CYP4V2: variants seen among roughly 807,000 people sequenced by gnomAD.
CYP4V2 encodes the protein cytochrome P450 family 4 subfamily V member 2, also known as cytochrome P450 4V2.
Under a neutral mutation model 60.8 loss-of-function variants are expected in CYP4V2, and 55 were observed. The ratio of observed to expected loss-of-function variants is 0.90; its 90% CI spans 0.73 to 1.13. The LOEUF (loss-of-function observed/expected upper bound fraction) is 1.13. CYP4V2 is among the 50% of genes most tolerant of loss of function. The probability of loss-of-function intolerance (pLI) is 0.00; values close to 1 mark genes in which losing one functional copy is unlikely to be tolerated. For synonymous variants in CYP4V2, 239 were observed against 236.8 expected, an observed-to-expected ratio of 1.01 and a Z score of -0.08; for missense variants, 675 against 662.9, an observed-to-expected ratio of 1.02 and a Z score of -0.20.
Position 186,211,479 on chromosome 4 carries a change from A to G in CYP4V2, c.*838A>G, listed in dbSNP as rs1310833286. Reference sequence around the variant, plus strand: ...CAGGCGCCTGCCACCACGCCCAGCTAATTTTTGTATTTTTAGTAGAGATGG... The same window carrying G: ...CAGGCGCCTGCCACCACGCCCAGCTGATTTTTGTATTTTTAGTAGAGATGG... On this transcript the variant is annotated 3_prime_UTR_variant, in exon 11 of 11. Coordinates refer to ENST00000378802, the MANE Select transcript of CYP4V2 (RefSeq NM_207352.4). The G allele has an allele frequency of 3.3e-5, 5 of 151,780 alleles. No homozygotes were observed. The highest frequency in any genetic ancestry group is 1.2e-4 in the African/African-American group (5 of 41,264). 9.4% of individuals were successfully genotyped at this position (151,780 alleles called of 1,614,324 possible).
intron 10 of CYP4V2, 50 bp from the exon 11 acceptor site, chr4:186,210,419 A>C (rs747380440): frequency 6.2e-7 from 1 of 1,612,610 alleles, no homozygotes; most frequent in South Asian, 1.1e-5. Flanking sequence ...TGTTTCTCAC[A>C]TTTGGGGTAA....
At position 186,212,862 on chromosome 4, in the gene CYP4V2, A is replaced by G. The variant is rs1376385655; in HGVS notation, c.*2221A>G. The G allele has an allele frequency of 6.6e-6, 1 of 152,242 alleles. No homozygotes were observed. Among genetic ancestry groups the G allele is most frequent in the Non-Finnish European group, 1.5e-5 (1 of 68,038 alleles). The allele number at this position is 152,242 out of a possible 1,614,324, so 9.4% of individuals were successfully genotyped here. A position where few individuals can be genotyped will look rare whatever the true frequency, so the allele number is the denominator to read the frequency against. On this transcript the variant is annotated 3_prime_UTR_variant, in exon 11 of 11. Coordinates refer to ENST00000378802, the MANE Select transcript of CYP4V2 (RefSeq NM_207352.4). ...CAAAGAGCCACAGTGCCTACAACCC[A>G]GGCCCTAAGTTGATGAAGAAAAAGT...
At chr4:186,202,486 C>T (rs1736333151) in intron 7 of CYP4V2, 1 of 152,082 alleles carries the variant, frequency 6.6e-6, no homozygotes, top group African/African-American at 2.4e-5. Context: ...CTCTGAGAAT[C>T]GTGATTGGCC....
intron 8 of CYP4V2, among the ~76,000 whole-genome samples, chr4:186,207,513 AATTAT>A (rs1302259421): frequency 6.8e-6 from 1 of 147,888 alleles, no homozygotes; most frequent in Non-Finnish European, 1.5e-5. Flanking sequence ...TTAATTATTA[AATTAT>A]ATTTATATTA....
At chr4:186,192,374 CT>C (rs1736017191) in intron 1 of CYP4V2, 2 of 523,106 alleles carry the variant, frequency 3.8e-6, no homozygotes, top group African/African-American at 1.9e-5. Context: ...CAGAAGCTCC[CT>C]GGGAGCACAG....
chr4:186,194,165 A>G (rs1736073857), intron 1 of CYP4V2, among the ~76,000 whole-genome samples: 1 of 152,228 alleles, frequency 6.6e-6, no homozygotes, highest in African/African-American at 2.4e-5. Flanking sequence ...GGTACAAGCC[A>G]GTTTCCACCA....
At chr4:186,201,656 G>T in intron 7 of CYP4V2, 1 of 285,014 alleles carries the variant, frequency 3.5e-6, no homozygotes. Context: ...GTGGCTTCAG[G>T]CTTCCTTCTA....
At chr4:186,199,963 A>G (rs1275570933) in intron 6 of CYP4V2, among the ~76,000 whole-genome samples, 1 of 152,196 alleles carries the variant, frequency 6.6e-6, no homozygotes, top group African/African-American at 2.4e-5. Context: ...CAAATGATGA[A>G]TAAATCAGTA....
intron 2 of CYP4V2, among the ~76,000 whole-genome samples, 188 bp downstream of exon 2, chr4:186,194,800 A>G (rs1399388295): frequency 6.6e-6 from 1 of 152,208 alleles, no homozygotes; most frequent in African/African-American, 2.4e-5. Context: ...GGAGATTAAC[A>G]TTCTCCAGAT....
At chr4:186,204,481 C>T (rs1173103527) in intron 7 of CYP4V2, 1 of 151,248 alleles carries the variant, frequency 6.6e-6, no homozygotes, top group Middle Eastern at 3.4e-3. Context: ...GTGGAGCGTC[C>T]TTACTGCACA....
At chr4:186,204,951 G>A (rs768708438) in intron 7 of CYP4V2, 8 of 540,802 alleles carry the variant, frequency 1.5e-5, no homozygotes, top group Non-Finnish European at 2.3e-5. Flanking sequence ...TATTAACACA[G>A]CACAGGCACG....
In CYP4V2 at chr4:186,197,109, T is replaced by C; in HGVS notation, c.583T>C (p.Cys195Arg). 6.2e-7 allele frequency: 1 copy of C among 1,613,988 alleles called. No individual in the cohort carries two copies. ...TAACTGCTTTTTTTACATCACTCTT[T>C]GTGCCTTAGATATCATCTGTGGTGA... ...AFNCFFYITL[C>R]ALDIICETAM... Residue 195 changes from cysteine to arginine, a missense_variant, in exon 4 of 11, where the codon TGT becomes CGT. Transcript: ENST00000378802.
At chr4:186,207,104 G>T (rs1437101360) in intron 8 of CYP4V2, among the ~76,000 whole-genome samples, 2 of 151,766 alleles carry the variant, frequency 1.3e-5, no homozygotes, top group Non-Finnish European at 2.9e-5. Flanking sequence ...CCCAATCCTA[G>T]TTCTAGAATT....
intron 8 of CYP4V2, among the ~76,000 whole-genome samples, chr4:186,207,129 C>T (rs182290251): frequency 2.0e-5 from 3 of 152,186 alleles, no homozygotes; most frequent in Admixed American, 1.3e-4. Flanking sequence ...AGCAACTAAG[C>T]TGGGCTCGGT....
Position 186,197,029 on chromosome 4 carries a change from A to G in CYP4V2, c.503A>G (p.Glu168Gly). 6.2e-7 allele frequency: 1 copy of G among 1,613,902 alleles called. No individual in the cohort carries two copies. The highest frequency in any genetic ancestry group is 1.1e-5 in the South Asian group (1 of 91,012). Residue 168 changes from glutamate to glycine, a missense_variant, in exon 4 of 11, where the codon GAA becomes GGA. Transcript: ENST00000378802. The part of the protein sequence containing the change: ...ILEDFLDIMN[E>G]QANILVKKLE... The stretch of plus-strand genomic sequence containing the variant: ...GAAGATTTCTTAGATATCATGAATG[A>G]ACAAGCAAATATATTGGTTAAGAAA...
Position 186,191,939 on chromosome 4 carries a change from G to C in CYP4V2, c.116G>C (p.Ser39Thr), listed in dbSNP as rs200834925. ...LVLSLLQRVA[S>T]YARKWQQMRP... Reference sequence around the variant, plus strand: ...CTGAGCCTGCTGCAGAGGGTGGCGAGCTACGCGCGGAAATGGCAGCAGATG... The same window carrying C: ...CTGAGCCTGCTGCAGAGGGTGGCGACCTACGCGCGGAAATGGCAGCAGATG... Residue 39 changes from serine (S) to threonine (T), a missense_variant, in exon 1 of 11, where the codon AGC becomes ACC. By Grantham distance (58) the Ser-to-Thr change is moderately conservative (BLOSUM62 1). Coordinates refer to ENST00000378802, the MANE Select transcript of CYP4V2 (RefSeq NM_207352.4). The C allele has an allele frequency of 2.4e-5, 38 of 1,591,688 alleles. No homozygotes were observed. Among genetic ancestry groups the C allele is most frequent in the Non-Finnish European group, 1.7e-6 (2 of 1,172,382 alleles).
chr4:186,210,574 A>G lies in CYP4V2; in HGVS notation c.1511A>G (p.Gln504Arg), dbSNP rs561863898. The change falls in exon 11 of 11, where the codon CAG becomes CGG. Residue 504 changes from glutamine (Q) to arginine (R), a missense_variant. Gln to Arg is a conservative substitution (Grantham distance 43, BLOSUM62 1). Transcript: ENST00000378802. ...AGAGAAGAGCTTGGTCTAGAAGGAC[A>G]GTTGATTCTTCGTCCAAGTAATGGC... ...QKREELGLEG[Q>R]LILRPSNGIW... 1 of 1,614,212 alleles carries G rather than the reference A, an allele frequency of 6.2e-7. No homozygotes were observed. Among genetic ancestry groups the G allele is most frequent in the East Asian group, 2.2e-5 (1 of 44,868 alleles).
Position 186,196,998 on chromosome 4 carries a change from A to G in CYP4V2, c.472A>G (p.Ile158Val), listed in dbSNP as rs769612802. 5 of 1,613,712 alleles carry G rather than the reference A, an allele frequency of 3.1e-6. No homozygotes were observed. The highest frequency in any genetic ancestry group is 1.7e-5 in the Admixed American group (1 of 59,992). Residue 158 changes from isoleucine to valine, a missense_variant, in exon 4 of 11, where the codon ATT becomes GTT. Ile to Val is a conservative substitution (Grantham distance 29). Transcript: ENST00000378802. The stretch of plus-strand genomic sequence containing the variant: ...GTTAACACCCACTTTCCATTTTACC[A>G]TTCTGGAAGATTTCTTAGATATCAT... Reference protein sequence around the residue: ...KMLTPTFHFTILEDFLDIMNE... With the variant: ...KMLTPTFHFTVLEDFLDIMNE...
chr4:186,198,865 C>T (rs183762311), intron 5 of CYP4V2, 92 bp from the exon 6 acceptor site: 86 of 1,583,946 alleles, frequency 5.4e-5, no homozygotes, highest in Admixed American at 2.5e-4. Context: ...GTCATTCCCA[C>T]GATTGCCTTC....
Sources: allele counts gnomAD v4.1 joint callset (sites outside exome capture counted in the v4.1 genomes callset), GRCh38; gene constraint gnomAD v4.1.1; transcripts MANE v1.5; gene names NCBI Gene and HGNC (gene_info 2026-07-23, HGNC 2026-07-21).